The following CLK1 variants were observed in gnomAD, a reference collection of about 807,000 sequenced individuals.
The protein encoded by CLK1 is CDC like kinase 1.
Under a neutral mutation model 60.9 loss-of-function variants are expected in CLK1, and 40 were observed. The observed-to-expected ratio is 0.66, with a 90% CI of 0.51 to 0.86. The LOEUF (loss-of-function observed/expected upper bound fraction) is 0.86, where lower values mean the gene tolerates loss of function less well. Ranked by LOEUF, CLK1 falls within the 40% of genes least tolerant of loss-of-function variation. CLK1 has a pLI of 0.00. For synonymous variants in CLK1, 203 were observed against 184.4 expected (o/e 1.10, Z -0.82); for missense variants, 563 against 606.1 (o/e 0.93, Z 0.75).
intron 7 of CLK1, 197 bp downstream of exon 7, chr2:200,857,521 T>C: frequency 4.3e-6 from 2 of 466,938 alleles, no homozygotes; most frequent in Non-Finnish European, 7.5e-6. Context: ...CAAAGTACGT[T>C]GTTATATGGT....
intron 9 of CLK1, 104 bp from the exon 10 acceptor site, chr2:200,855,190 T>C (rs940036776): frequency 3.6e-6 from 3 of 842,326 alleles, no homozygotes; most frequent in African/African-American, 3.5e-5. Context: ...ACACATGTAA[T>C]GTAGGCTGGG....
In CLK1 at chr2:200,861,153, T is replaced by C. The variant is rs377073157; in HGVS notation, c.390+85A>G. 69 of 1,537,078 alleles carry C rather than the reference T, an allele frequency of 4.5e-5. No homozygotes were observed. The African/African-American group carries it at 7.7e-4, about 17-fold the overall frequency. ...CTGAGATGATTTCATCTTAAAACTT[T>C]CTCAAATAATCAAACACAAAAATTC... On this transcript the variant is annotated intron_variant, in intron 3 of 12. Transcript: ENST00000321356.
chr2:200,853,045 T>C lies in CLK1; in HGVS notation c.*261A>G, dbSNP rs139791856. On this transcript the variant is annotated 3_prime_UTR_variant, in exon 13 of 13. Coordinates refer to ENST00000321356, the MANE Select transcript of CLK1 (RefSeq NM_004071.4). The stretch of plus-strand genomic sequence containing the variant: ...TCTTTAATAGAAGTAGGAAGAAAAA[T>C]GGTACTTAGAACAAACTGTTCAGAT... The C allele has an allele frequency of 5.3e-3, 1,449 of 270,946 alleles. 20 individuals carry two copies. Among genetic ancestry groups the C allele is most frequent in the African/African-American group, 0.029 (1,335 of 45,806 alleles). The allele number at this position is 270,946 out of a possible 1,614,324, so 16.8% of individuals were successfully genotyped here.
chr2:200,864,539 T>A (rs2039200486), intron 1 of CLK1, 25 bp downstream of exon 1: 2 of 358,578 alleles, frequency 5.6e-6, no homozygotes, highest in Non-Finnish European at 1.0e-5. Context: ...CCCTGTCACC[T>A]AGTCCGCTCC....
chr2:200,859,983 A>C, intron 4 of CLK1, 142 bp downstream of exon 4: 3 of 1,441,132 alleles, frequency 2.1e-6, no homozygotes, highest in Non-Finnish European at 2.7e-6. Context: ...CAAAAATACA[A>C]TCCCCCCCAC....
intron 9 of CLK1, 135 bp from the exon 10 acceptor site, chr2:200,855,221 A>T (rs2039019226): frequency 1.6e-6 from 1 of 623,890 alleles, no homozygotes; most frequent in East Asian, 3.0e-5. Context: ...CACACCTGTA[A>T]TCCCAGCACT....
Position 200,858,094 on chromosome 2 carries a change from T to A in CLK1, c.549-5A>T. ...ACTGCTACATGTCTACCTCCCCTGTTAGAAAGATGCATGCAAATTTAAGAA... is the reference window on the plus strand; with the variant it reads ...ACTGCTACATGTCTACCTCCCCTGTAAGAAAGATGCATGCAAATTTAAGAA... On this transcript the variant is annotated splice_polypyrimidine_tract_variant and splice_region_variant and intron_variant, in intron 5 of 12. Transcript: ENST00000321356. 6.4e-7 allele frequency: 1 copy of A among 1,566,478 alleles called. No homozygotes were observed. Among genetic ancestry groups the A allele is most frequent in the Admixed American group, 1.7e-5 (1 of 59,954 alleles).
At chr2:200,855,795 G>A (rs1390031123) in intron 9 of CLK1, among the ~76,000 whole-genome samples, 2 of 151,842 alleles carry the variant, frequency 1.3e-5, no homozygotes, top group African/African-American at 4.8e-5. Flanking sequence ...GATTGCTCCA[G>A]GTCAGCAGTT....
intron 1 of CLK1, among the ~76,000 whole-genome samples, chr2:200,863,413 C>T (rs184102254): frequency 4.0e-4 from 61 of 152,010 alleles, no homozygotes; most frequent in African/African-American, 1.3e-3. Context: ...AAAAAATTAA[C>T]CAGGAGTGGT....
chr2:200,855,069 G>A lies in CLK1; in HGVS notation c.1075C>T (p.Pro359Ser). The A allele has an allele frequency of 1.2e-6, 2 of 1,612,020 alleles. No individual in the cohort carries two copies. Among genetic ancestry groups the A allele is most frequent in the Non-Finnish European group, 1.7e-6 (2 of 1,179,256 alleles). The stretch of plus-strand genomic sequence containing the variant: ...CATCCTATGCTCCAGACATCACATG[G>A]TTGGGACCACCCTAGGGCTGCAAAG... The part of the protein sequence containing the change: ...EVILALGWSQ[P>S]CDVWSIGCIL... Residue 359 changes from proline to serine, a missense_variant, in exon 10 of 13, where the codon CCA (proline) becomes TCA (serine). Transcript: ENST00000321356.
intron 3 of CLK1, chr2:200,860,595 T>C (rs2039121274): frequency 2.0e-6 from 2 of 1,000,934 alleles, no homozygotes; most frequent in Non-Finnish European, 2.4e-6. Flanking sequence ...TAATATTTAC[T>C]TGTCAAAGTA....
intron 12 of CLK1, among the ~76,000 whole-genome samples, chr2:200,853,679 G>GAA (rs34449560): frequency 0.019 from 923 of 49,100 alleles, 96 homozygotes; most frequent in Admixed American, 0.056. Flanking sequence ...GTCTTTACTT[G>GAA]AAAAAAAAAA....
chr2:200,853,551 A>C, intron 12 of CLK1, 102 bp from the exon 13 acceptor site: 1 of 1,126,224 alleles, frequency 8.9e-7, no homozygotes, highest in South Asian at 1.7e-5. Flanking sequence ...CCATAAAAAC[A>C]GAAAAGAGGC....
chr2:200,864,521 AG>A, intron 1 of CLK1, 42 bp downstream of exon 1: 1 of 403,808 alleles, frequency 2.5e-6, no homozygotes, highest in Non-Finnish European at 4.5e-6. Context: ...CGAGGCTCAC[AG>A]GAACGGCCCT....
chr2:200,863,253 A>G (rs1383265921), intron 1 of CLK1: 3 of 152,172 alleles, frequency 2.0e-5, no homozygotes, highest in Admixed American at 2.0e-4. Flanking sequence ...CAGCCTGAGT[A>G]TAATTTTTAA....
At chr2:200,857,196 C>T (rs2039057594) in intron 7 of CLK1, 2 of 528,654 alleles carry the variant, frequency 3.8e-6, no homozygotes, top group African/African-American at 3.8e-5. Flanking sequence ...GTCCTAGCTA[C>T]TCGGGAGGCT....
In CLK1 at chr2:200,853,464, G is replaced by T. The variant is rs539356216; in HGVS notation, c.1312-15C>A. ...AGCATAAATTCCTGGAAGAAAAAAA[G>T]AAATTCATTCAACAGCCTTTTCCAC... On this transcript the variant is annotated splice_polypyrimidine_tract_variant and intron_variant, in intron 12 of 12. Transcript: ENST00000321356. The T allele has an allele frequency of 1.2e-5, 19 of 1,600,916 alleles. No homozygotes were observed. In the African/African-American group the frequency reaches 1.2e-4, roughly 10 times the overall value.
At chr2:200,859,545 T>C in intron 5 of CLK1, 135 bp downstream of exon 5, 1 of 583,502 alleles carries the variant, frequency 1.7e-6, no homozygotes, top group Non-Finnish European at 3.0e-6. Flanking sequence ...ACCTCTTAAC[T>C]GGAAGTGTCT....
At chr2:200,864,166 T>C in intron 1 of CLK1, 3 of 1,551,032 alleles carry the variant, frequency 1.9e-6, no homozygotes, top group Non-Finnish European at 2.6e-6. Flanking sequence ...AAATCCCCCC[T>C]CAACGGGGAG....
Sources: allele counts gnomAD v4.1 joint callset (sites outside exome capture counted in the v4.1 genomes callset), GRCh38; gene constraint gnomAD v4.1.1; transcripts MANE v1.5; gene names NCBI Gene and HGNC (gene_info 2026-07-23, HGNC 2026-07-21).